Variants in GRIK3 observed in about 807,000 individuals in gnomAD.
GRIK3 encodes the protein glutamate ionotropic receptor kainate type subunit 3.
GRIK3 carries 29 observed loss-of-function variants against 102.5 expected under a neutral mutation model. The observed-to-expected ratio is 0.28, with a 90% CI of 0.21 to 0.39. The LOEUF (loss-of-function observed/expected upper bound fraction) is 0.39. GRIK3 is among the 10% of genes least tolerant of loss of function. The pLI, the probability that GRIK3 is intolerant of heterozygous loss-of-function variation, is 1.00. For synonymous variants in GRIK3, 511 were observed against 504.9 expected (o/e 1.01, Z -0.16); for missense variants, 908 against 1,252.4 (o/e 0.73, Z 4.15).
rs146061754 is a variant in GRIK3, at chr1:36,840,306, G to T, written c.1530+1430C>A. ...TGATAGAAAATGCTTCAGTCAAGTT[G>T]AGGGCCCTGAGCTGGAAGGCAGGTC... is the stretch of plus-strand genomic sequence containing the variant. On this transcript the variant is annotated intron_variant, in intron 10 of 15. Transcript: ENST00000373091. Among the ~76,000 whole-genome samples the T allele has an allele frequency of 1.8e-4, 27 of 152,228 alleles. No individual in the cohort carries two copies. The East Asian group carries it at 5.0e-3, about 28-fold the overall frequency.
chr1:36,824,550 G>C (rs1642732985), intron 11 of GRIK3, among the ~76,000 whole-genome samples: 1 of 152,216 alleles, frequency 6.6e-6, no homozygotes, highest in Non-Finnish European at 1.5e-5. Context: ...GAAGTGGGGG[G>C]AGGGCGGCTT....
chr1:36,960,835 G>A (rs946129084), intron 1 of GRIK3, among the ~76,000 whole-genome samples: 5 of 152,222 alleles, frequency 3.3e-5, no homozygotes, highest in African/African-American at 7.2e-5. Context: ...CAACCAGGCC[G>A]AGGGAGTAAG....
chr1:36,964,461 TC>T (rs1476463239), intron 1 of GRIK3, among the ~76,000 whole-genome samples: 4 of 152,162 alleles, frequency 2.6e-5, no homozygotes, highest in Non-Finnish European at 5.9e-5. Context: ...CATAGACAAG[TC>T]CGGCCACTGG....
intron 1 of GRIK3, among the ~76,000 whole-genome samples, chr1:36,963,262 G>T (rs938504736): frequency 1.3e-5 from 2 of 152,132 alleles, no homozygotes; most frequent in East Asian, 1.9e-4. Context: ...AAGTACGTCT[G>T]GGGGAGGCAA....
chr1:36,850,401 G>A lies in GRIK3; in HGVS notation c.1236C>T (p.Asp412=), dbSNP rs778987026. Residue 412 remains aspartate, a synonymous_variant, in exon 9 of 16, where the codon GAC becomes GAT. Transcript: ENST00000373091. The surrounding 1 kb of genome is among the most constrained non-coding windows in gnomAD (Gnocchi z 4.0). ...TGGCAACCTCAGTGATGTTGAGCCC[G>A]TCGGCAGGACTCCACACCCCAACCT... ...LEKVGVWSPA[D]GLNITEVAKG... is the part of the protein sequence containing the mutation. The A allele has an allele frequency of 1.7e-5, 28 of 1,612,680 alleles. No homozygotes were observed. The highest frequency in any genetic ancestry group is 4.5e-5 in the East Asian group (2 of 44,874).
At chr1:36,932,238 C>T (rs555307267) in intron 1 of GRIK3, among the ~76,000 whole-genome samples, 103 of 152,264 alleles carry the variant, frequency 6.8e-4, no homozygotes, top group African/African-American at 2.5e-3. Flanking sequence ...TGACTTCATT[C>T]GATGCTTGTT....
At chr1:36,842,355 C>A (rs1037161793) in intron 9 of GRIK3, among the ~76,000 whole-genome samples, 2 of 152,168 alleles carry the variant, frequency 1.3e-5, no homozygotes, top group African/African-American at 4.8e-5. Context: ...AGGCCCCACC[C>A]CAGACCTAAC....
chr1:37,008,354 G>C lies in GRIK3; in HGVS notation c.115+25640C>G, dbSNP rs538151860. Among the ~76,000 whole-genome samples, 10 of 152,332 alleles carry C rather than the reference G, an allele frequency of 6.6e-5. No individual in the cohort carries two copies. The East Asian group carries it at 1.9e-3, about 29-fold the overall frequency. ...GCCTCCTTCCATTGGGTTTGTGTGAGGACTGAAATGATTGCATAAAGAAAT... is the reference window on the plus strand; with the variant it reads ...GCCTCCTTCCATTGGGTTTGTGTGACGACTGAAATGATTGCATAAAGAAAT... On this transcript the variant is annotated intron_variant, in intron 1 of 15. Coordinates refer to ENST00000373091, the MANE Select transcript of GRIK3 (RefSeq NM_000831.4).
Position 36,876,165 on chromosome 1 carries a change from T to C in GRIK3, c.551-3796A>G, listed in dbSNP as rs1275418125. Among the ~76,000 whole-genome samples, 3 of 152,282 alleles carry C rather than the reference T, an allele frequency of 2.0e-5. No individual in the cohort carries two copies. The East Asian group carries it at 5.8e-4, about 29-fold the overall frequency. On this transcript the variant is annotated intron_variant, in intron 3 of 15. Coordinates refer to ENST00000373091, the MANE Select transcript of GRIK3 (RefSeq NM_000831.4). ...CTAAAGCAGGAGTTTGAGACCAGCC[T>C]TGGCAATACAGCAAGACTCTGACTC... is the stretch of plus-strand genomic sequence containing the variant.
chr1:36,898,676 T>G (rs546413283), intron 1 of GRIK3, among the ~76,000 whole-genome samples: 1 of 152,250 alleles, frequency 6.6e-6, no homozygotes, highest in Non-Finnish European at 1.5e-5. Flanking sequence ...CCAATGACAT[T>G]TTTTTGCAGA....
intron 13 of GRIK3, among the ~76,000 whole-genome samples, chr1:36,810,959 G>A (rs1642555389): frequency 6.6e-6 from 1 of 152,196 alleles, no homozygotes; most frequent in Non-Finnish European, 1.5e-5. Context: ...TGAGAGGGGT[G>A]AGCTCCACTG....
intron 1 of GRIK3, among the ~76,000 whole-genome samples, chr1:37,031,791 G>C (rs1355501061): frequency 6.6e-6 from 1 of 152,182 alleles, no homozygotes; most frequent in African/African-American, 2.4e-5. Flanking sequence ...TCTCTCTCTC[G>C]CTCGCTCGCT....
chr1:36,993,827 T>C (rs902890144), intron 1 of GRIK3, among the ~76,000 whole-genome samples: 2 of 152,230 alleles, frequency 1.3e-5, no homozygotes, highest in Non-Finnish European at 2.9e-5. Flanking sequence ...GCTACAGGCC[T>C]GGCCCTCTTG....
intron 1 of GRIK3, among the ~76,000 whole-genome samples, chr1:36,982,891 C>T (rs936693176): frequency 2.6e-5 from 4 of 152,106 alleles, no homozygotes; most frequent in East Asian, 1.9e-4. Context: ...GGCAAGGAGC[C>T]GACTGCAGCT....
intron 1 of GRIK3, among the ~76,000 whole-genome samples, chr1:36,932,581 G>A (rs1377165182): frequency 2.6e-5 from 4 of 152,162 alleles, no homozygotes; most frequent in African/African-American, 9.7e-5. Context: ...TGAAGGGTCC[G>A]CAGCCAAGAT....
chr1:36,933,213 C>A (rs3767073), intron 1 of GRIK3, among the ~76,000 whole-genome samples: 127,099 of 152,122 alleles, frequency 0.84, 53,555 homozygotes, highest in Admixed American at 0.9. Context: ...GCTTCAGAGC[C>A]TTGATTCTGT....
intron 1 of GRIK3, among the ~76,000 whole-genome samples, chr1:36,990,246 G>A (rs1039902946): frequency 6.6e-6 from 1 of 152,124 alleles, no homozygotes; most frequent in Non-Finnish European, 1.5e-5. Context: ...TGACAGTCAC[G>A]ATGCCCCATC....
At chr1:36,807,792 T>A (rs1642516826) in intron 13 of GRIK3, among the ~76,000 whole-genome samples, 1 of 152,268 alleles carries the variant, frequency 6.6e-6, no homozygotes, top group East Asian at 1.9e-4. Flanking sequence ...TGAGTGCCAG[T>A]GATGCCTTCT....
In GRIK3 at chr1:36,841,811, C is replaced by A; in HGVS notation, c.1455G>T (p.Leu485=). ...GTGCCCCGTACTTGCCGTCCTCCACCAGCCGGATCTCATAGGAGAAACCAA... is the reference window on the plus strand; with the variant it reads ...GTGCCCCGTACTTGCCGTCCTCCACAAGCCGGATCTCATAGGAGAAACCAA... ...HILGFSYEIR[L]VEDGKYGAQD... The change falls in exon 10 of 16, where the codon CTG becomes CTT. Residue 485 remains leucine, a synonymous_variant. Coordinates refer to ENST00000373091, the MANE Select transcript of GRIK3 (RefSeq NM_000831.4). The A allele has an allele frequency of 2.5e-6, 4 of 1,614,230 alleles. No homozygotes were observed. Among genetic ancestry groups the A allele is most frequent in the Non-Finnish European group, 3.4e-6 (4 of 1,180,032 alleles).
Sources: gnomAD v4.1 joint callset for allele counts (sites outside exome capture counted in the v4.1 genomes callset) on GRCh38, gnomAD v4.1.1 for gene constraint, Gnocchi (gnomAD v3.1) non-coding constraint, MANE v1.5 for transcripts, NCBI Gene and HGNC (gene_info 2026-07-23, HGNC 2026-07-21) for gene names.